Variants in MAGI3 observed in about 807,000 individuals in gnomAD.
MAGI3 encodes membrane-associated guanylate kinase, WW and PDZ domain-containing protein 3.
MAGI3 carries 43 observed loss-of-function variants against 121.8 expected under a neutral mutation model. The ratio of observed to expected loss-of-function variants is 0.35; its 90% CI spans 0.28 to 0.46. The LOEUF (loss-of-function observed/expected upper bound fraction) is 0.46. Ranked by LOEUF, MAGI3 falls within the 20% of genes least tolerant of loss-of-function variation. MAGI3 has a pLI of 1.00. For synonymous variants in MAGI3, 553 were observed against 639.3 expected, an observed-to-expected ratio of 0.86 and a Z score of 2.04; for missense variants, 1,547 against 1,797.3, an observed-to-expected ratio of 0.86 and a Z score of 2.52.
chr1:113,660,197 C>A (rs1287660882), intron 16 of MAGI3, among the ~76,000 whole-genome samples: 1 of 152,174 alleles, frequency 6.6e-6, no homozygotes, highest in Non-Finnish European at 1.5e-5. Flanking sequence ...GAATTGACTT[C>A]ACTGCTCCCT....
At chr1:113,525,398 A>G in intron 1 of MAGI3, among the ~76,000 whole-genome samples, 1 of 152,016 alleles carries the variant, frequency 6.6e-6, no homozygotes, top group African/African-American at 2.4e-5. Flanking sequence ...TTGACATTTT[A>G]GAAGACTATA....
At chr1:113,559,887 G>C (rs1390873277) in intron 2 of MAGI3, among the ~76,000 whole-genome samples, 1 of 152,060 alleles carries the variant, frequency 6.6e-6, no homozygotes, top group Non-Finnish European at 1.5e-5. Context: ...CAAGTTCTTA[G>C]GGACCTTCAA....
At chr1:113,651,256 C>G in intron 14 of MAGI3, 50 bp downstream of exon 14, 1 of 1,510,522 alleles carries the variant, frequency 6.6e-7, no homozygotes, top group Non-Finnish European at 9.0e-7. Context: ...AACAAAGATA[C>G]TAGTCTACTT....
At chr1:113,581,411 T>G (rs1648017407) in intron 3 of MAGI3, among the ~76,000 whole-genome samples, 1 of 152,182 alleles carries the variant, frequency 6.6e-6, no homozygotes, top group Non-Finnish European at 1.5e-5. Context: ...AATATGCATT[T>G]GTGTTCTATC....
In MAGI3 at chr1:113,600,023, C is replaced by G. The variant is rs1458638968; in HGVS notation, c.1018+5463C>G. Among the ~76,000 whole-genome samples, 5 of 152,248 alleles carry G rather than the reference C, an allele frequency of 3.3e-5. No individual in the cohort carries two copies. In the South Asian group the frequency reaches 8.3e-4, roughly 25 times the overall value. The stretch of plus-strand genomic sequence containing the variant: ...AAGGCCTTTGAAAAAATTCAACAGC[C>G]CTTCATGCTAAAAACTCTCAATAAA... On this transcript the variant is annotated intron_variant, in intron 6 of 20. Transcript: ENST00000307546.
chr1:113,568,630 G>A (rs1023901806), intron 2 of MAGI3, among the ~76,000 whole-genome samples: 11 of 152,064 alleles, frequency 7.2e-5, no homozygotes, highest in Non-Finnish European at 1.5e-5. Flanking sequence ...AGAAAGCCTA[G>A]TAGTAAACAC....
intron 1 of MAGI3, among the ~76,000 whole-genome samples, chr1:113,453,896 T>C (rs1310491937): frequency 1.3e-5 from 2 of 152,284 alleles, no homozygotes. Flanking sequence ...TCATGCTATC[T>C]ACTGCTTCCC....
At chr1:113,549,400 T>C (rs1468591703) in intron 1 of MAGI3, 115 bp from the exon 2 acceptor site, 1 of 524,088 alleles carries the variant, frequency 1.9e-6, no homozygotes, top group Non-Finnish European at 3.4e-6. Flanking sequence ...CTGATTTCTT[T>C]ATCCTGTTTA....
rs1019539376 is a variant in MAGI3 at position 113,642,002 on chromosome 1, G to T, written c.1452G>T (p.Gln484His). ...TGTTTCAATTGGTACCTGTCAATCA[G>T]TATGTAAACCTCACTTTATGTCGTG... ...VQMFQLVPVN[Q>H]YVNLTLCRGY... The change falls in exon 10 of 21, where the codon CAG becomes CAT. Residue 484 changes from glutamine (Q) to histidine (H), a missense_variant. Physicochemically the swap from Gln to His is conservative, Grantham distance 24. Coordinates refer to ENST00000307546, the MANE Select transcript of MAGI3 (RefSeq NM_001142782.2). 57 of 1,614,046 alleles carry T rather than the reference G, an allele frequency of 3.5e-5. 5 individuals carry two copies. The highest frequency in any genetic ancestry group is 1.3e-5 in the African/African-American group (1 of 74,918).
chr1:113,668,754 T>C (rs1647330905), intron 16 of MAGI3, among the ~76,000 whole-genome samples: 1 of 150,016 alleles, frequency 6.7e-6, no homozygotes, highest in Non-Finnish European at 1.5e-5. Flanking sequence ...GGCTAATTTT[T>C]TGTATTTTTA....
At chr1:113,638,200 T>A (rs1652174296) in intron 9 of MAGI3, among the ~76,000 whole-genome samples, 1 of 152,220 alleles carries the variant, frequency 6.6e-6, no homozygotes, top group South Asian at 2.1e-4. Context: ...TCGGAGTAGT[T>A]TGATCGTCTG....
chr1:113,549,737 C>CT, intron 2 of MAGI3, 106 bp downstream of exon 2: 1 of 573,762 alleles, frequency 1.7e-6, no homozygotes, highest in South Asian at 3.8e-5. Flanking sequence ...ATTGTGAAGA[C>CT]TAAGTTGGGA....
intron 1 of MAGI3, among the ~76,000 whole-genome samples, chr1:113,460,313 T>TGAAC (rs1654967007): frequency 6.6e-6 from 1 of 152,154 alleles, no homozygotes; most frequent in Non-Finnish European, 1.5e-5. Flanking sequence ...ACAGCCAACA[T>TGAAC]TGAACTGAAT....
chr1:113,437,860 CTTCCTCTT>C (rs1557757042), intron 1 of MAGI3, among the ~76,000 whole-genome samples: 1,639 of 45,754 alleles, frequency 0.036, 101 homozygotes, highest in Middle Eastern at 0.048. Context: ...TCTTCTTCTT[CTTCCTCTT>C]CTTCTTCTTC....
chr1:113,532,501 C>G (rs1658775231), intron 1 of MAGI3, among the ~76,000 whole-genome samples: 1 of 152,010 alleles, frequency 6.6e-6, no homozygotes, highest in Non-Finnish European at 1.5e-5. Context: ...ATAATCTTAT[C>G]ACTAACAGCT....
At position 113,588,568 on chromosome 1, in the gene MAGI3, G is replaced by A. The variant is rs561521025; in HGVS notation, c.764-1916G>A. On this transcript the variant is annotated intron_variant, in intron 4 of 20. Transcript: ENST00000307546. Reference sequence around the variant, plus strand: ...TACAACAGTTTTTAACAGGCTTATTGTGACTACTGTATTGAGAATAGGCAA... The same window carrying A: ...TACAACAGTTTTTAACAGGCTTATTATGACTACTGTATTGAGAATAGGCAA... Among the ~76,000 whole-genome samples the A allele has an allele frequency of 3.3e-5, 5 of 152,230 alleles. No homozygotes were observed. The South Asian group carries it at 1.0e-3, about 32-fold the overall frequency.
At position 113,525,831 on chromosome 1, in the gene MAGI3, G is replaced by A. The variant is rs559247912; in HGVS notation, c.317-23684G>A. On this transcript the variant is annotated intron_variant, in intron 1 of 20. Transcript: ENST00000307546. The stretch of plus-strand genomic sequence containing the variant: ...ATCCTGGCCAACATGGTGAAACCCC[G>A]TCTCTAGTAAAAGTACAAAAATTAG... Among the ~76,000 whole-genome samples, 5 of 151,974 alleles carry A rather than the reference G, an allele frequency of 3.3e-5. No homozygotes were observed. In the East Asian group the frequency reaches 7.8e-4, roughly 24 times the overall value.
intron 2 of MAGI3, among the ~76,000 whole-genome samples, chr1:113,561,777 A>C (rs1263739237): frequency 4.6e-5 from 7 of 152,194 alleles, no homozygotes; most frequent in African/African-American, 1.7e-4. Context: ...GATCAAGAAA[A>C]AGAAAGAAAG....
chr1:113,642,735 A>G (rs1261861780), intron 10 of MAGI3, among the ~76,000 whole-genome samples: 1 of 152,174 alleles, frequency 6.6e-6, no homozygotes. Context: ...TTATGGATTT[A>G]TTTCCCTCTG....
Sources: gnomAD v4.1 joint callset for allele counts (sites outside exome capture counted in the v4.1 genomes callset) on GRCh38, gnomAD v4.1.1 for gene constraint, MANE v1.5 for transcripts, NCBI Gene and HGNC (gene_info 2026-07-23, HGNC 2026-07-21) for gene names.